The following OTOP1 variants were observed in gnomAD, a reference collection of about 807,000 sequenced individuals.
OTOP1 encodes otopetrin 1, also known as proton channel OTOP1.
In OTOP1, 59 loss-of-function variants were observed where a neutral mutation model predicts 52.9. That is an observed-to-expected ratio of 1.12 (90% CI 0.91 to 1.39). The LOEUF is 1.39. Among genes scored for constraint, OTOP1 ranks in the 40% most tolerant of loss-of-function variants. OTOP1 has a pLI of 0.00. For missense variants in OTOP1, 761 were observed against 800.9 expected, an observed-to-expected ratio of 0.95 and a Z score of 0.60; for synonymous variants, 317 against 337.7, an observed-to-expected ratio of 0.94 and a Z score of 0.67.
At chr4:4,210,082 T>C (rs945638905) in intron 2 of OTOP1, among the ~76,000 whole-genome samples, 1 of 152,346 alleles carries the variant, frequency 6.6e-6, no homozygotes, top group Non-Finnish European at 1.5e-5. Flanking sequence ...GTCACTGTTT[T>C]GGGGACTGTC....
At chr4:4,209,937 C>T (rs540316428) in intron 2 of OTOP1, among the ~76,000 whole-genome samples, 2 of 152,264 alleles carry the variant, frequency 1.3e-5, no homozygotes, top group East Asian at 3.9e-4. Flanking sequence ...TACACCTGTG[C>T]TCCTCCCTCT....
chr4:4,219,907 A>ATG lies in OTOP1; in HGVS notation c.403+6553_403+6554dup, dbSNP rs1186443192. 4.5e-4 allele frequency among the ~76,000 whole-genome samples: 65 copies of ATG among 145,834 alleles called. No individual in the cohort carries two copies. In the East Asian group the frequency reaches 0.011, roughly 24 times the overall value. Reference sequence around the variant, plus strand: ...TATACACATATATGTATACACATATATGTGTGTATATACGTATACATGTAT... The same window carrying ATG: ...TATACACATATATGTATACACATATATGTGTGTGTATATACGTATACATGTAT... On this transcript the variant is annotated intron_variant, in intron 1 of 5. Coordinates refer to ENST00000296358, the MANE Select transcript of OTOP1 (RefSeq NM_177998.3).
At chr4:4,190,247 T>C (rs1288650974) in intron 5 of OTOP1, among the ~76,000 whole-genome samples, 1 of 152,132 alleles carries the variant, frequency 6.6e-6, no homozygotes, top group Admixed American at 6.5e-5. Context: ...CCAAGGCAGG[T>C]GGATCACCTG....
At chr4:4,212,808 A>G in intron 2 of OTOP1, 60 bp downstream of exon 2, 1 of 1,584,458 alleles carries the variant, frequency 6.3e-7, no homozygotes, top group Non-Finnish European at 8.7e-7. Flanking sequence ...ACAAGTTTCT[A>G]CACAACCTGG....
rs772932450 is a variant in OTOP1, at chr4:4,206,098, A to G, written c.573T>C (p.Ile191=). 1.6e-5 allele frequency: 26 copies of G among 1,608,082 alleles called. No homozygotes were observed. The highest frequency in any genetic ancestry group is 2.0e-5 in the Non-Finnish European group (24 of 1,174,768). The change falls in exon 3 of 6, where the codon ATT becomes ATC. Residue 191 remains isoleucine (I), a synonymous_variant. Coordinates refer to ENST00000296358, the MANE Select transcript of OTOP1 (RefSeq NM_177998.3). ...TTTCCAGTGTTTTGAAAGACTGGAT[A>G]ATATCCTTTGCATGCCCCCAAAGAA... ...VYFLWGHAKD[I]IQSFKTLERF... is the part of the protein sequence containing the mutation.
chr4:4,223,397 GGATGGACGGACA>G (rs1048471083), intron 1 of OTOP1, among the ~76,000 whole-genome samples: 2 of 133,208 alleles, frequency 1.5e-5, no homozygotes, highest in African/African-American at 6.1e-5. Context: ...ATGGATGGAT[GGATGGACGGACA>G]GATGGATGGA....
chr4:4,192,997 C>G (rs180802754), intron 5 of OTOP1, among the ~76,000 whole-genome samples: 1 of 152,136 alleles, frequency 6.6e-6, no homozygotes, highest in Non-Finnish European at 1.5e-5. Flanking sequence ...TACTTCACCA[C>G]ACACTTGAAA....
chr4:4,211,889 A>G (rs1485066027), intron 2 of OTOP1, among the ~76,000 whole-genome samples: 1 of 152,246 alleles, frequency 6.6e-6, no homozygotes, highest in Non-Finnish European at 1.5e-5. Context: ...GAATAATTCT[A>G]GAGACGTAAT....
At chr4:4,189,500 C>G (rs570493445) in intron 5 of OTOP1, among the ~76,000 whole-genome samples, 1 of 152,222 alleles carries the variant, frequency 6.6e-6, no homozygotes, top group African/African-American at 2.4e-5. Flanking sequence ...GCTTCCTCCA[C>G]TCCCTGGCTG....
At chr4:4,194,209 T>G in intron 5 of OTOP1, among the ~76,000 whole-genome samples, 1 of 152,158 alleles carries the variant, frequency 6.6e-6, no homozygotes, top group East Asian at 1.9e-4. Flanking sequence ...TATATTAATA[T>G]TAATCACAGG....
intron 5 of OTOP1, among the ~76,000 whole-genome samples, chr4:4,191,663 C>CTA: frequency 6.6e-6 from 1 of 152,294 alleles, no homozygotes; most frequent in Non-Finnish European, 1.5e-5. Context: ...CTAAGCTGGT[C>CTA]CCTCTGATCT....
At chr4:4,195,285 C>T (rs1226714879) in intron 5 of OTOP1, among the ~76,000 whole-genome samples, 1 of 152,224 alleles carries the variant, frequency 6.6e-6, no homozygotes, top group African/African-American at 2.4e-5. Flanking sequence ...ATATTGTGTA[C>T]CTCTGCCTGA....
intron 5 of OTOP1, among the ~76,000 whole-genome samples, chr4:4,191,966 G>A (rs1239759045): frequency 1.3e-5 from 2 of 152,258 alleles, no homozygotes; most frequent in East Asian, 3.9e-4. Flanking sequence ...AGGAAAATGG[G>A]ACCTCTTTTC....
intron 1 of OTOP1, among the ~76,000 whole-genome samples, chr4:4,221,679 A>T (rs1717303497): frequency 1.3e-5 from 2 of 152,288 alleles, no homozygotes; most frequent in South Asian, 4.1e-4. Flanking sequence ...TCTCTGCCTG[A>T]ACATCAGCTC....
chr4:4,218,717 C>A (rs28671525), intron 1 of OTOP1, among the ~76,000 whole-genome samples: 1 of 152,082 alleles, frequency 6.6e-6, no homozygotes, highest in Non-Finnish European at 1.5e-5. Flanking sequence ...CACTTGAGGT[C>A]AGGAGTTCGA....
intron 4 of OTOP1, among the ~76,000 whole-genome samples, chr4:4,200,553 C>T (rs1577177507): frequency 7.0e-6 from 1 of 141,880 alleles, no homozygotes; most frequent in Non-Finnish European, 1.5e-5. Context: ...TTTTCTTTTT[C>T]TTTTTTTTTT....
chr4:4,197,893 C>A lies in OTOP1; in HGVS notation c.941G>T (p.Gly314Val). 1 of 1,614,000 alleles carries A rather than the reference C, an allele frequency of 6.2e-7. No individual in the cohort carries two copies. ...CAGCACGGTCAGGCCCAGGACTGCG[C>A]CCACCATGACCCCATCAGACTTGAA... ...MQFKSDGVMVGAVLGLTVLAA... is the reference protein window; with the variant it reads ...MQFKSDGVMVVAVLGLTVLAA... Residue 314 changes from glycine (G) to valine (V), a missense_variant, in exon 5 of 6, where the codon GGC (glycine) becomes GTC (valine). By Grantham distance (109) the Gly-to-Val change is moderately radical. This residue lies in a region of OTOP1 where 632 missense variants were observed against 619.5 expected (regional missense o/e 1.02). Transcript: ENST00000296358.
At chr4:4,210,000 C>G (rs1278092778) in intron 2 of OTOP1, among the ~76,000 whole-genome samples, 1 of 152,174 alleles carries the variant, frequency 6.6e-6, no homozygotes, top group Admixed American at 6.5e-5. Flanking sequence ...TCACCCCAAG[C>G]TGCCGAAATG....
intron 2 of OTOP1, among the ~76,000 whole-genome samples, chr4:4,211,860 A>T (rs1448116597): frequency 6.6e-6 from 1 of 152,230 alleles, no homozygotes; most frequent in African/African-American, 2.4e-5. Flanking sequence ...AAGGGTACAA[A>T]GTTGCAAATA....
Sources: allele counts gnomAD v4.1 joint callset (sites outside exome capture counted in the v4.1 genomes callset), GRCh38; gene constraint gnomAD v4.1.1; regional missense constraint gnomAD v4.1.1; transcripts MANE v1.5; gene names NCBI Gene and HGNC (gene_info 2026-07-23, HGNC 2026-07-21).